Variants in DLG1 observed in about 807,000 individuals in gnomAD.
DLG1 encodes discs large MAGUK scaffold protein 1, also known as disks large homolog 1.
In DLG1, 42 loss-of-function variants were observed where a neutral mutation model predicts 123.4. The ratio of observed to expected loss-of-function variants is 0.34; its 90% confidence interval spans 0.27 to 0.44. The LOEUF (loss-of-function observed/expected upper bound fraction) is 0.44. DLG1 is among the 20% of genes least tolerant of loss of function. The probability of loss-of-function intolerance (pLI) is 1.00; values close to 1 mark genes in which losing one functional copy is unlikely to be tolerated. For synonymous variants in DLG1, 317 were observed against 356.2 expected (o/e 0.89, Z 1.24); for missense variants, 942 against 1,082.6 (o/e 0.87, Z 1.82).
chr3:197,134,373 T>C (rs1784085351), intron 10 of DLG1, among the ~76,000 whole-genome samples: 1 of 148,970 alleles, frequency 6.7e-6, no homozygotes, highest in Non-Finnish European at 1.5e-5. Context: ...AGAATGCTAC[T>C]AGTAGGATAA....
chr3:197,173,547 T>C (rs1341431045), intron 5 of DLG1, among the ~76,000 whole-genome samples: 1 of 152,192 alleles, frequency 6.6e-6, no homozygotes, highest in Non-Finnish European at 1.5e-5. Context: ...TCTTTACTTA[T>C]CTCTTTAAAA....
chr3:197,216,067 T>C (rs546118287), intron 4 of DLG1, among the ~76,000 whole-genome samples: 10 of 152,268 alleles, frequency 6.6e-5, no homozygotes, highest in African/African-American at 2.4e-4. Flanking sequence ...GGGCAGAGGG[T>C]GGTAATTAAA....
At chr3:197,175,061 T>A (rs1806278128) in intron 5 of DLG1, among the ~76,000 whole-genome samples, 1 of 152,234 alleles carries the variant, frequency 6.6e-6, no homozygotes, top group African/African-American at 2.4e-5. Flanking sequence ...AGGGAAAATC[T>A]TTTAAATAAA....
chr3:197,107,492 C>G (rs892543869), intron 13 of DLG1, among the ~76,000 whole-genome samples: 3 of 151,892 alleles, frequency 2.0e-5, no homozygotes, highest in Non-Finnish European at 4.4e-5. Context: ...TTGCAGTGAA[C>G]AGAGATTGCG....
rs118166029 is a variant in DLG1, at chr3:197,238,744, G to C, written c.318+43935C>G. On this transcript the variant is annotated intron_variant, in intron 4 of 24. Transcript: ENST00000667157. ...ACTCTTACACAAGCAATGAATCAAAGAAGAAATCAAAAAGGAAATTAGAAG... is the reference window on the plus strand; with the variant it reads ...ACTCTTACACAAGCAATGAATCAAACAAGAAATCAAAAAGGAAATTAGAAG... Among the ~76,000 whole-genome samples, 23 of 152,120 alleles carry C rather than the reference G, an allele frequency of 1.5e-4. No individual in the cohort carries two copies. In the East Asian group the frequency reaches 4.4e-3, roughly 29 times the overall value.
rs1302456167 is a variant in DLG1, at chr3:197,265,513, G to GT, written c.318+17165dup. Among the ~76,000 whole-genome samples the GT allele has an allele frequency of 5.3e-5, 8 of 152,312 alleles. 1 individual carries two copies. The highest frequency in any genetic ancestry group is 1.9e-4 in the African/African-American group (8 of 41,572). ...ACAGAGCTAAAACTCACAGGTAAGA[G>GT]TACCAGAAAGGAGAGAGCGGGACAG... On this transcript the variant is annotated intron_variant, in intron 4 of 24. Coordinates refer to ENST00000667157, the MANE Select transcript of DLG1 (RefSeq NM_001366207.1).
chr3:197,087,332 CTT>C (rs776665116), intron 15 of DLG1, among the ~76,000 whole-genome samples: 13 of 139,438 alleles, frequency 9.3e-5, no homozygotes, highest in African/African-American at 1.0e-4. Context: ...TTTTTGCAGC[CTT>C]TTTTTTTTTT....
intron 5 of DLG1, among the ~76,000 whole-genome samples, chr3:197,193,549 ATTG>A (rs1432771142): frequency 1.3e-5 from 2 of 152,220 alleles, no homozygotes; most frequent in African/African-American, 4.8e-5. Context: ...AGTAAAATAA[ATTG>A]TAGTATATTC....
intron 4 of DLG1, among the ~76,000 whole-genome samples, chr3:197,216,048 G>A (rs1426198887): frequency 6.6e-6 from 1 of 152,090 alleles, no homozygotes; most frequent in African/African-American, 2.4e-5. Flanking sequence ...CCCAATTCTA[G>A]TTTTTATGGG....
chr3:197,284,068 C>T (rs1770669699), intron 3 of DLG1, among the ~76,000 whole-genome samples: 1 of 151,940 alleles, frequency 6.6e-6, no homozygotes, highest in South Asian at 2.1e-4. Flanking sequence ...ACCATGTTGG[C>T]CAGGCAGGTC....
chr3:197,277,204 T>C (rs1766874611), intron 4 of DLG1, among the ~76,000 whole-genome samples: 2 of 151,910 alleles, frequency 1.3e-5, no homozygotes, highest in African/African-American at 4.8e-5. Flanking sequence ...AAAATCTTAC[T>C]TTTATGGTTT....
intron 3 of DLG1, among the ~76,000 whole-genome samples, chr3:197,287,430 G>A (rs1194557188): frequency 7.0e-6 from 1 of 142,896 alleles, no homozygotes; most frequent in Admixed American, 7.4e-5. Flanking sequence ...TTGGGGCTTA[G>A]AGCATTGGGA....
intron 6 of DLG1, among the ~76,000 whole-genome samples, chr3:197,144,684 T>C (rs1163706164): frequency 6.6e-6 from 1 of 152,222 alleles, no homozygotes; most frequent in East Asian, 1.9e-4. Context: ...CCTTGAGAAC[T>C]TTTGAAGCCC....
At chr3:197,130,805 T>A (rs987094931) in intron 10 of DLG1, 134 bp from the exon 11 acceptor site, 2 of 640,886 alleles carry the variant, frequency 3.1e-6, no homozygotes, top group African/African-American at 3.7e-5. Flanking sequence ...AAAATACCCA[T>A]GTTTGATGTC....
rs868578459 is a variant in DLG1 at position 197,136,950 on chromosome 3, G to A, written c.884-272C>T. 1.4e-4 allele frequency among the ~76,000 whole-genome samples: 21 copies of A among 152,214 alleles called. 1 individual carries two copies. Among genetic ancestry groups the A allele is most frequent in the Admixed American group, 7.2e-4 (11 of 15,274 alleles). ...ACTTGTTATTCCAAAGTGACATTGC[G>A]AAATTATGTTTTACTTTTGTTTCCA... On this transcript the variant is annotated intron_variant, in intron 9 of 24. Transcript: ENST00000667157.
intron 14 of DLG1, among the ~76,000 whole-genome samples, chr3:197,093,563 CT>C (rs11359811): frequency 0.27 from 40,023 of 146,260 alleles, 5,722 homozygotes; most frequent in South Asian, 0.36. Context: ...GTCATCCACG[CT>C]TTTTTTTTTT....
intron 5 of DLG1, among the ~76,000 whole-genome samples, chr3:197,179,525 T>C (rs1045953850): frequency 1.3e-5 from 2 of 152,224 alleles, no homozygotes; most frequent in East Asian, 1.9e-4. Context: ...TGTTTGAATG[T>C]ACTGCGCTAT....
intron 18 of DLG1, among the ~76,000 whole-genome samples, chr3:197,075,472 A>G (rs931791845): frequency 6.6e-6 from 1 of 151,954 alleles, no homozygotes; most frequent in Non-Finnish European, 1.5e-5. Context: ...AAAAAAGGGG[A>G]ACATAAAACT....
chr3:197,151,128 G>A (rs1022128361), intron 5 of DLG1, among the ~76,000 whole-genome samples: 1 of 152,060 alleles, frequency 6.6e-6, no homozygotes, highest in Middle Eastern at 3.2e-3. Flanking sequence ...ATGGTATATT[G>A]AGATTACTCA....
Sources: allele counts gnomAD v4.1 joint callset (sites outside exome capture counted in the v4.1 genomes callset), GRCh38; gene constraint gnomAD v4.1.1; transcripts MANE v1.5; gene names NCBI Gene and HGNC (gene_info 2026-07-23, HGNC 2026-07-21).